STAB2: variants seen among roughly 807,000 people sequenced by gnomAD.
STAB2 encodes stabilin 2.
In STAB2, 288 loss-of-function variants were observed where a neutral mutation model predicts 338.1. The observed-to-expected ratio is 0.85, with a 90% CI of 0.77 to 0.94. STAB2 has a LOEUF of 0.94. STAB2 is among the 40% of genes least tolerant of loss of function. The pLI, the probability that STAB2 is intolerant of heterozygous loss-of-function variation, is 0.00. For missense variants in STAB2, 3,141 were observed against 3,210.1 expected, an observed-to-expected ratio of 0.98 and a Z score of 0.52; for synonymous variants, 1,202 against 1,193.3, an observed-to-expected ratio of 1.01 and a Z score of -0.15.
intron 7 of STAB2, 118 bp from the exon 8 acceptor site, chr12:103,637,898 T>A (rs1018738653): frequency 7.7e-6 from 8 of 1,040,812 alleles, no homozygotes; most frequent in Non-Finnish European, 4.2e-6. Context: ...AAAGGAAATG[T>A]TTGTCTTTGA....
At chr12:103,719,735 C>T (rs765805119) in intron 44 of STAB2, among the ~76,000 whole-genome samples, 49 of 152,308 alleles carry the variant, frequency 3.2e-4, no homozygotes, top group Non-Finnish European at 2.6e-4. Flanking sequence ...AAATAAGTTG[C>T]ATCCACAGTT....
At chr12:103,710,146 G>C (rs1879721092) in intron 39 of STAB2, among the ~76,000 whole-genome samples, 4 of 152,154 alleles carry the variant, frequency 2.6e-5, no homozygotes, top group Admixed American at 6.5e-5. Flanking sequence ...CATAGATCGT[G>C]TTTTTCACCC....
Position 103,762,365 on chromosome 12 carries a change from G to C in STAB2, c.7451G>C (p.Arg2484Pro), listed in dbSNP as rs778288826. Residue 2484 changes from arginine (R) to proline (P), a missense_variant, in exon 67 of 69, where the codon CGG becomes CCG. Physicochemically the swap from Arg to Pro is moderately radical, Grantham distance 103 (BLOSUM62 -2). Transcript: ENST00000388887. ...GCCTTGGCTGCTTACTCCTACTTTC[G>C]GATAAACCGGAGAACAATCGGCTTC... ...AVALAAYSYF[R>P]INRRTIGFQH... The C allele has an allele frequency of 2.5e-6, 4 of 1,614,140 alleles. No individual in the cohort carries two copies. Among genetic ancestry groups the C allele is most frequent in the Non-Finnish European group, 2.5e-6 (3 of 1,180,022 alleles).
At chr12:103,705,767 C>T in intron 37 of STAB2, 40 bp downstream of exon 37, 1 of 1,581,010 alleles carries the variant, frequency 6.3e-7, no homozygotes, top group Non-Finnish European at 8.7e-7. Context: ...ACTGCAGCAC[C>T]ATTGGGAAAA....
chr12:103,737,600 C>CTA, intron 52 of STAB2, 34 bp from the exon 53 acceptor site: 1 of 1,120,888 alleles, frequency 8.9e-7, no homozygotes, highest in Non-Finnish European at 1.2e-6. Flanking sequence ...CTCTCTCTCT[C>CTA]TTTCTCTTTT....
At chr12:103,693,372 G>A (rs1015704878) in intron 31 of STAB2, among the ~76,000 whole-genome samples, 1 of 152,132 alleles carries the variant, frequency 6.6e-6, no homozygotes, top group South Asian at 2.1e-4. Context: ...AGGAGGTCAA[G>A]ACTGCAATGA....
chr12:103,605,153 A>G (rs760554599), intron 3 of STAB2, among the ~76,000 whole-genome samples: 10 of 151,938 alleles, frequency 6.6e-5, no homozygotes, highest in Non-Finnish European at 1.5e-4. Flanking sequence ...TTTTTCACAT[A>G]TATTCCTGCT....
chr12:103,749,841 CAAAAAAAAAAAAAAAAAAA>C (rs369556936), intron 59 of STAB2, among the ~76,000 whole-genome samples: 10 of 51,152 alleles, frequency 2.0e-4, no homozygotes, highest in Admixed American at 3.3e-4. Context: ...CTCTGTCTCA[CAAAAAAAAAAAAAAAAAAA>C]AAAAAAAAAA....
Position 103,661,803 on chromosome 12 carries a change from G to C in STAB2, c.1869+1040G>C, listed in dbSNP as rs1874644680. ...AGAGCAGAAAGGAGCATGCTGGGCT[G>C]TGTGAGGAACAGCAAGGCCAGTGTG... On this transcript the variant is annotated intron_variant, in intron 17 of 68. Transcript: ENST00000388887. Among the ~76,000 whole-genome samples the C allele has an allele frequency of 1.1e-4, 17 of 152,300 alleles. No individual in the cohort carries two copies. In the South Asian group the frequency reaches 3.5e-3, roughly 32 times the overall value.
intron 4 of STAB2, 53 bp downstream of exon 4, chr12:103,620,606 A>G: frequency 7.0e-7 from 1 of 1,430,650 alleles, no homozygotes; most frequent in Non-Finnish European, 9.6e-7. Flanking sequence ...CCATCTTCTT[A>G]CCTGTTGATC....
chr12:103,726,011 C>A (rs1248110089), intron 45 of STAB2, 105 bp from the exon 46 acceptor site: 37 of 1,289,558 alleles, frequency 2.9e-5, no homozygotes, highest in Non-Finnish European at 4.1e-5. Flanking sequence ...CCCGGTGTTA[C>A]AGATTTCCAG....
chr12:103,610,134 T>C (rs1957098950), intron 3 of STAB2, among the ~76,000 whole-genome samples: 1 of 151,782 alleles, frequency 6.6e-6, no homozygotes. Flanking sequence ...TCAGGGATAT[T>C]GGTCTAAAAT....
At chr12:103,683,326 T>G in intron 26 of STAB2, 26 bp downstream of exon 26, 1 of 1,516,014 alleles carries the variant, frequency 6.6e-7, no homozygotes, top group Non-Finnish European at 8.9e-7. Flanking sequence ...TTGTTTTTCA[T>G]TACTTAAAAA....
chr12:103,641,757 G>T (rs1565979615), intron 9 of STAB2, among the ~76,000 whole-genome samples: 2 of 152,146 alleles, frequency 1.3e-5, no homozygotes, highest in Non-Finnish European at 2.9e-5. Context: ...TTTGTGTTTA[G>T]AATGTCAGAT....
rs1884539574 is a variant in STAB2 at position 103,761,516 on chromosome 12, A to G, written c.7359+106A>G. The G allele has an allele frequency of 4.0e-6, 4 of 992,576 alleles. No homozygotes were observed. The East Asian group carries it at 9.8e-5, about 24-fold the overall frequency. The allele number at this position is 992,576 out of a possible 1,614,324, so 61.5% of individuals were successfully genotyped here. Reference sequence around the variant, plus strand: ...CCTGTCCTCCTCCCTCTTCCTCCAGAGACTGGAGGAGCCTCCAGCCTCCAA... The same window carrying G: ...CCTGTCCTCCTCCCTCTTCCTCCAGGGACTGGAGGAGCCTCCAGCCTCCAA... On this transcript the variant is annotated intron_variant, in intron 66 of 68. Transcript: ENST00000388887.
In STAB2 at chr12:103,587,625, T is replaced by C. The variant is rs114941675; in HGVS notation, c.81+68T>C. The C allele has an allele frequency of 9.0e-4, 1,220 of 1,348,606 alleles. 12 individuals carry two copies. The African/African-American group carries it at 0.016, about 18-fold the overall frequency. The allele number at this position is 1,348,606 out of a possible 1,614,324, so 83.5% of individuals were successfully genotyped here. ...TGATATGTTCAAAAGCTTGTCGTTT[T>C]CCTCTGTTGTTATGGGTAAAGGGTG... On this transcript the variant is annotated intron_variant, in intron 1 of 68. Transcript: ENST00000388887.
Position 103,735,487 on chromosome 12 carries a change from A to G in STAB2, c.5461-4A>G, listed in dbSNP as rs888067336. 1 of 1,603,228 alleles carries G rather than the reference A, an allele frequency of 6.2e-7. No individual in the cohort carries two copies. Among genetic ancestry groups the G allele is most frequent in the Non-Finnish European group, 8.5e-7 (1 of 1,175,542 alleles). On this transcript the variant is annotated splice_region_variant and splice_polypyrimidine_tract_variant and intron_variant, in intron 51 of 68. Transcript: ENST00000388887. ...GCAGTCACGTGGTGCCATCACTCCT[A>G]CAGGTTTTAGCTGTGGATCTTCCCA...
In STAB2 at chr12:103,691,250, T is replaced by C. The variant is rs573011697; in HGVS notation, c.3297+712T>C. Among the ~76,000 whole-genome samples the C allele has an allele frequency of 4.8e-4, 73 of 152,322 alleles. 1 individual carries two copies. The South Asian group carries it at 0.015, about 31-fold the overall frequency. On this transcript the variant is annotated intron_variant, in intron 30 of 68. Coordinates refer to ENST00000388887, the MANE Select transcript of STAB2 (RefSeq NM_017564.10). ...GAAGATTCCACTGCAAAATGAGAAC[T>C]GCTACATCCATGAACCATGGGCTAC...
At chr12:103,744,856 T>C (rs1215609401) in intron 56 of STAB2, among the ~76,000 whole-genome samples, 1 of 152,180 alleles carries the variant, frequency 6.6e-6, no homozygotes, top group Non-Finnish European at 1.5e-5. Context: ...TACCCCATGA[T>C]ACTCTCTACT....
Sources: gnomAD v4.1 joint callset for allele counts (sites outside exome capture counted in the v4.1 genomes callset) on GRCh38, gnomAD v4.1.1 for gene constraint, MANE v1.5 for transcripts, NCBI Gene and HGNC (gene_info 2026-07-23, HGNC 2026-07-21) for gene names.